The following OSBPL9 variants were observed in gnomAD, a reference collection of about 807,000 sequenced individuals.
The protein encoded by OSBPL9 is oxysterol-binding protein-related protein 9.
A neutral mutation model predicts 106.6 loss-of-function variants in OSBPL9; 40 were observed. The observed-to-expected ratio is 0.38, with a 90% confidence interval of 0.29 to 0.49. The LOEUF (loss-of-function observed/expected upper bound fraction) is 0.49, where lower values mean the gene tolerates loss of function less well. OSBPL9 is among the 20% of genes least tolerant of loss of function. The pLI, the probability that OSBPL9 is intolerant of heterozygous loss-of-function variation, is 0.97. For synonymous variants in OSBPL9, 269 were observed against 295.4 expected, an observed-to-expected ratio of 0.91 and a Z score of 0.92; for missense variants, 609 against 887.2, an observed-to-expected ratio of 0.69 and a Z score of 3.98.
intron 3 of OSBPL9, among the ~76,000 whole-genome samples, chr1:51,705,925 A>G (rs1359218763): frequency 6.6e-6 from 1 of 152,118 alleles, no homozygotes; most frequent in African/African-American, 2.4e-5. Context: ...CCACTGGGAG[A>G]GGAAAGAGTC....
chr1:51,766,315 G>A (rs553123688), intron 12 of OSBPL9, among the ~76,000 whole-genome samples: 10 of 152,246 alleles, frequency 6.6e-5, no homozygotes, highest in Admixed American at 6.5e-4. Context: ...CATTAGGAGA[G>A]GGTCCAATGA....
chr1:51,723,361 T>C (rs1158012838), intron 4 of OSBPL9, among the ~76,000 whole-genome samples: 1 of 152,258 alleles, frequency 6.6e-6, no homozygotes, highest in Non-Finnish European at 1.5e-5. Context: ...TCCATAGTTT[T>C]GCCTTTTCCA....
Position 51,770,955 on chromosome 1 carries a change from G to A in OSBPL9, c.939-1115G>A, listed in dbSNP as rs1460213334. On this transcript the variant is annotated intron_variant, in intron 12 of 23. Transcript: ENST00000428468. The stretch of plus-strand genomic sequence containing the variant: ...CCAAGAGTGAACCCTAATATAAACT[G>A]TAGACTTTGAGTGATAATGATGTGT... Among the ~76,000 whole-genome samples the A allele has an allele frequency of 4.6e-5, 7 of 152,200 alleles. No individual in the cohort carries two copies. The East Asian group carries it at 1.4e-3, about 29-fold the overall frequency.
At chr1:51,724,365 C>T (rs1401770388) in intron 4 of OSBPL9, among the ~76,000 whole-genome samples, 4 of 152,134 alleles carry the variant, frequency 2.6e-5, no homozygotes, top group Non-Finnish European at 5.9e-5. Flanking sequence ...CTCACTGCCA[C>T]CTCCGCCTCC....
At position 51,597,435 on chromosome 1, in the gene OSBPL9, G is replaced by A. The variant is rs1027005069; in HGVS notation, c.-422-689G>A. ...TATATATATATATATGTGTGTGTGT[G>A]TGTGTGTGTGTGTGTGTGTGTGTGT... On this transcript the variant is annotated intron_variant, in intron 1 of 25. Coordinates refer to the OSBPL9 transcript ENST00000371714. Among the ~76,000 whole-genome samples the A allele has an allele frequency of 2.9e-3, 431 of 149,966 alleles. 2 individuals carry two copies. The highest frequency in any genetic ancestry group is 3.9e-3 in the Non-Finnish European group (266 of 67,616).
At chr1:51,554,441 C>T in the OSBPL9 span, among the ~76,000 whole-genome samples, 1 of 152,130 alleles carries the variant, frequency 6.6e-6, no homozygotes, top group African/African-American at 2.4e-5. Flanking sequence ...GAAGGCAAAA[C>T]TTCAACAAGT....
Position 51,617,206 on chromosome 1 carries a change from G to T in OSBPL9, c.96G>T (p.Leu32=), listed in dbSNP as rs1336911322. Residue 32 remains leucine, a synonymous_variant, in exon 1 of 24, where the codon CTG becomes CTT. Coordinates refer to ENST00000428468, the MANE Select transcript of OSBPL9 (RefSeq NM_024586.6). ...TCGTGCTGGACTACAATGCAGGACTGCTCTCCTACTACACGGTGAGTCCTT... is the reference window on the plus strand; with the variant it reads ...TCGTGCTGGACTACAATGCAGGACTTCTCTCCTACTACACGGTGAGTCCTT... ...RWFVLDYNAG[L]LSYYTSKDKM... 3.7e-6 allele frequency: 6 copies of T among 1,612,538 alleles called. No individual in the cohort carries two copies. Among genetic ancestry groups the T allele is most frequent in the Non-Finnish European group, 4.2e-6 (5 of 1,179,418 alleles).
chr1:51,755,866 C>G (rs1258997276), intron 8 of OSBPL9, among the ~76,000 whole-genome samples: 1 of 152,182 alleles, frequency 6.6e-6, no homozygotes, highest in Admixed American at 6.5e-5. Flanking sequence ...ACTCTTCACC[C>G]CATCCAGCCC....
chr1:51,732,646 T>C (rs958877461), intron 4 of OSBPL9, among the ~76,000 whole-genome samples: 5 of 152,236 alleles, frequency 3.3e-5, no homozygotes, highest in African/African-American at 1.2e-4. Flanking sequence ...TTTTTCTAGA[T>C]GATAATGCTT....
At chr1:51,658,266 A>AT (rs1557650451) in intron 2 of OSBPL9, among the ~76,000 whole-genome samples, 2 of 152,320 alleles carry the variant, frequency 1.3e-5, no homozygotes, top group African/African-American at 4.8e-5. Flanking sequence ...AATAGACATC[A>AT]TGCCATTTAC....
intron 11 of OSBPL9, 31 bp from the exon 12 acceptor site, chr1:51,765,791 A>G: frequency 6.4e-7 from 1 of 1,561,604 alleles, no homozygotes; most frequent in Non-Finnish European, 8.6e-7. Flanking sequence ...TTTCACCAAT[A>G]TTTTTCTCTA....
chr1:51,602,189 G>A (rs569934295), intron 2 of OSBPL9, among the ~76,000 whole-genome samples: 11 of 151,058 alleles, frequency 7.3e-5, no homozygotes, highest in Non-Finnish European at 1.6e-4. Flanking sequence ...CCCAGCTAAT[G>A]TTTTGTATTT....
At chr1:51,655,252 T>C (rs1646747968) in intron 2 of OSBPL9, among the ~76,000 whole-genome samples, 1 of 152,160 alleles carries the variant, frequency 6.6e-6, no homozygotes, top group Admixed American at 6.6e-5. Context: ...TCTTCCAGGC[T>C]CATTCAGGGC....
At chr1:51,543,344 CAGGT>C in the OSBPL9 span, among the ~76,000 whole-genome samples, 3 of 152,202 alleles carry the variant, frequency 2.0e-5, no homozygotes, top group Non-Finnish European at 4.4e-5. Context: ...CTCTAAGAGG[CAGGT>C]CTTCTTACAA....
the OSBPL9 span, among the ~76,000 whole-genome samples, chr1:51,541,140 T>C: frequency 8.6e-5 from 13 of 151,900 alleles, no homozygotes; most frequent in Admixed American, 6.6e-5. Context: ...CAAAAAAAAA[T>C]TGTAATTATT....
chr1:51,611,999 T>C (rs1643991556), intron 2 of OSBPL9, among the ~76,000 whole-genome samples: 1 of 152,004 alleles, frequency 6.6e-6, no homozygotes, highest in South Asian at 2.1e-4. Flanking sequence ...AATAAATACA[T>C]ACATACAAAA....
At chr1:51,698,291 G>C (rs1047491801) in intron 3 of OSBPL9, among the ~76,000 whole-genome samples, 3 of 152,156 alleles carry the variant, frequency 2.0e-5, no homozygotes, top group Non-Finnish European at 4.4e-5. Context: ...GTGGCTTAGA[G>C]TAGTGTTTTC....
chr1:51,591,386 G>T (rs968393916), intron 1 of OSBPL9, among the ~76,000 whole-genome samples: 1 of 152,122 alleles, frequency 6.6e-6, no homozygotes, highest in Non-Finnish European at 1.5e-5. Flanking sequence ...TTTAATTTTT[G>T]ACCTAAACAA....
intron 14 of OSBPL9, among the ~76,000 whole-genome samples, chr1:51,773,188 C>T (rs935290986): frequency 2.0e-5 from 3 of 152,098 alleles, no homozygotes. Context: ...CAGGTTCAAG[C>T]GATTCTCCTG....
Sources: gnomAD v4.1 joint callset for allele counts (sites outside exome capture counted in the v4.1 genomes callset) on GRCh38, gnomAD v4.1.1 for gene constraint, MANE v1.5 for transcripts, NCBI Gene and HGNC (gene_info 2026-07-23, HGNC 2026-07-21) for gene names.